Variants in SCEL observed in about 807,000 individuals in gnomAD.
The protein encoded by SCEL is sciellin.
SCEL carries 113 observed loss-of-function variants against 117.6 expected under a neutral mutation model. That is an observed-to-expected ratio of 0.96 (90% CI 0.83 to 1.12). The LOEUF (loss-of-function observed/expected upper bound fraction) is 1.12, where lower values mean the gene tolerates loss of function less well. Among genes scored for constraint, SCEL ranks in the 50% most tolerant of loss-of-function variants. The probability of loss-of-function intolerance (pLI) is 0.00; values close to 1 mark genes in which losing one functional copy is unlikely to be tolerated. For missense variants in SCEL, 785 were observed against 810.8 expected, an observed-to-expected ratio of 0.97 and a Z score of 0.39; for synonymous variants, 270 against 256.2, an observed-to-expected ratio of 1.05 and a Z score of -0.51.
At chr13:77,575,778 GTCTTCTT>G (rs1229411891) in intron 9 of SCEL, among the ~76,000 whole-genome samples, 11 of 152,258 alleles carry the variant, frequency 7.2e-5, no homozygotes, top group African/African-American at 2.2e-4. Context: ...GATGTTTTCT[GTCTTCTT>G]TCTTCTCTTG....
intron 27 of SCEL, among the ~76,000 whole-genome samples, chr13:77,623,908 C>T (rs1040601076): frequency 6.6e-6 from 1 of 152,070 alleles, no homozygotes; most frequent in African/African-American, 2.4e-5. Flanking sequence ...TTTGTTAGGG[C>T]TGCATAACAA....
chr13:77,577,627 A>G (rs1036816028), intron 9 of SCEL, among the ~76,000 whole-genome samples: 1 of 151,522 alleles, frequency 6.6e-6, no homozygotes, highest in African/African-American at 2.4e-5. Context: ...TTTCGCTTCT[A>G]TGTTACTTCT....
intron 24 of SCEL, among the ~76,000 whole-genome samples, chr13:77,616,622 A>G (rs936230155): frequency 3.9e-5 from 6 of 152,026 alleles, no homozygotes; most frequent in African/African-American, 1.4e-4. Flanking sequence ...AATCAAACTA[A>G]ATGAAGCCCT....
At chr13:77,595,505 G>T (rs1377984684) in intron 12 of SCEL, among the ~76,000 whole-genome samples, 1 of 152,142 alleles carries the variant, frequency 6.6e-6, no homozygotes, top group African/African-American at 2.4e-5. Context: ...GCCACAGAGT[G>T]TCTTCTCATG....
chr13:77,594,076 G>A (rs958558347), intron 12 of SCEL, among the ~76,000 whole-genome samples: 1 of 152,126 alleles, frequency 6.6e-6, no homozygotes, highest in African/African-American at 2.4e-5. Context: ...TGTCCCTCAT[G>A]TGTACACGGA....
At chr13:77,590,217 C>T (rs7996911) in intron 10 of SCEL, among the ~76,000 whole-genome samples, 141,605 of 152,148 alleles carry the variant, frequency 0.93, 65,947 homozygotes, top group South Asian at 0.96. Flanking sequence ...GCAGCAGGAC[C>T]ATGTAGCAAT....
chr13:77,551,992 A>G (rs958446233), intron 1 of SCEL, among the ~76,000 whole-genome samples: 5 of 150,746 alleles, frequency 3.3e-5, no homozygotes, highest in South Asian at 4.2e-4. Flanking sequence ...ATGATTTCCA[A>G]TTTCATCCAT....
In SCEL at chr13:77,644,789, C is replaced by T. The variant is rs2090715305; in HGVS notation, c.*515C>T. The T allele has an allele frequency of 6.5e-6, 1 of 152,688 alleles. No individual in the cohort carries two copies. Among genetic ancestry groups the T allele is most frequent in the Non-Finnish European group, 1.5e-5 (1 of 68,410 alleles). The allele number at this position is 152,688 out of a possible 1,614,324, so 9.5% of individuals were successfully genotyped here. A position where few individuals can be genotyped will look rare whatever the true frequency, so the allele number is the denominator to read the frequency against. ...TTTATATACCTCAAAAATCACTAAA[C>T]TTTCCAGATCTCTGTCCTATTATTT... On this transcript the variant is annotated 3_prime_UTR_variant, in exon 33 of 33. Transcript: ENST00000349847.
At position 77,627,902 on chromosome 13, in the gene SCEL, A is replaced by G. The variant is rs142014172; in HGVS notation, c.1629-45A>G. On this transcript the variant is annotated intron_variant, in intron 27 of 32. Coordinates refer to ENST00000349847, the MANE Select transcript of SCEL (RefSeq NM_144777.3). Reference sequence around the variant, plus strand: ...ATGTTTTAGCATTTTCTTATTTCCTATCATTATGTTGTAATTATTCATATA... The same window carrying G: ...ATGTTTTAGCATTTTCTTATTTCCTGTCATTATGTTGTAATTATTCATATA... The G allele has an allele frequency of 1.2e-3, 939 of 774,756 alleles. 11 individuals are homozygous for G. In the African/African-American group the frequency reaches 0.015, roughly 13 times the overall value. The allele number at this position is 774,756 out of a possible 1,614,324, so 48.0% of individuals were successfully genotyped here. A position where few individuals can be genotyped will look rare whatever the true frequency, so the allele number is the denominator to read the frequency against.
chr13:77,600,762 T>C (rs954699118), intron 15 of SCEL, among the ~76,000 whole-genome samples: 7 of 152,220 alleles, frequency 4.6e-5, no homozygotes, highest in African/African-American at 1.7e-4. Flanking sequence ...CAAGGATTTA[T>C]GAGATCTCTA....
At chr13:77,549,361 A>G (rs1021856760) in intron 1 of SCEL, among the ~76,000 whole-genome samples, 1 of 152,158 alleles carries the variant, frequency 6.6e-6, no homozygotes, top group Admixed American at 6.5e-5. Flanking sequence ...TATATATAAT[A>G]TATATTTTAA....
intron 10 of SCEL, among the ~76,000 whole-genome samples, chr13:77,590,846 T>C (rs1257171703): frequency 1.3e-5 from 2 of 152,074 alleles, no homozygotes; most frequent in Non-Finnish European, 2.9e-5. Flanking sequence ...GTCAACCAGA[T>C]ACTTTAAAAA....
rs1567388692 is a variant in SCEL, at chr13:77,591,416, A to G, written c.648A>G (p.Pro216=). The part of the protein sequence containing the change: ...QDNRQIHPPK[P]GVYTETNRSA... ...ATAGGCAGATACATCCACCTAAACC[A>G]GGTGTATATACAGAAACCAACAGAT... is the stretch of plus-strand genomic sequence containing the variant. Residue 216 remains proline (P), a synonymous_variant, in exon 11 of 33, where the codon CCA becomes CCG. Transcript: ENST00000349847. The G allele has an allele frequency of 2.5e-6, 4 of 1,588,534 alleles. No homozygotes were observed. Among genetic ancestry groups the G allele is most frequent in the Non-Finnish European group, 3.5e-6 (4 of 1,158,150 alleles).
intron 27 of SCEL, among the ~76,000 whole-genome samples, chr13:77,625,400 A>T (rs1310350875): frequency 6.6e-6 from 1 of 152,146 alleles, no homozygotes; most frequent in East Asian, 1.9e-4. Flanking sequence ...AATTTGCAGG[A>T]TTTATGCTGG....
intron 9 of SCEL, among the ~76,000 whole-genome samples, chr13:77,583,216 T>C (rs2086365485): frequency 6.6e-6 from 1 of 152,138 alleles, no homozygotes; most frequent in African/African-American, 2.4e-5. Context: ...TCTGAGCCAA[T>C]CTCCTCCTTT....
At chr13:77,609,214 A>T in intron 21 of SCEL, 97 bp downstream of exon 21, 1 of 1,025,122 alleles carries the variant, frequency 9.8e-7, no homozygotes, top group South Asian at 1.8e-5. Context: ...GAACCCAATG[A>T]TCCTTCAAGA....
At chr13:77,617,697 A>G (rs1359445943) in intron 25 of SCEL, 39 bp downstream of exon 25, 1 of 1,498,826 alleles carries the variant, frequency 6.7e-7, no homozygotes, top group East Asian at 2.3e-5. Flanking sequence ...TTGGGTCAGA[A>G]AGAATATTAA....
Position 77,633,442 on chromosome 13 carries a change from C to CAAAAAAAAAAAAAAAAAAAAAAAAA in SCEL, c.1692-913_1692-912insAAAAAAAAAAAAAAAAAAAAAAAAA, listed in dbSNP as rs59939208. On this transcript the variant is annotated intron_variant, in intron 28 of 32. Coordinates refer to ENST00000349847, the MANE Select transcript of SCEL (RefSeq NM_144777.3). ...TGGGCGACAGAGCGAGACTCCGCCTCAAAAAAAAAAAAAAAAAAAAAAAAG... is the reference window on the plus strand; with the variant it reads ...TGGGCGACAGAGCGAGACTCCGCCTCAAAAAAAAAAAAAAAAAAAAAAAAAAAAAAAAAAAAAAAAAAAAAAAAAG... Among the ~76,000 whole-genome samples, 8 of 30,010 alleles carry CAAAAAAAAAAAAAAAAAAAAAAAAA rather than the reference C, an allele frequency of 2.7e-4. 1 individual carries two copies. The highest frequency in any genetic ancestry group is 4.7e-3 in the East Asian group (2 of 424). 19.7% of individuals were successfully genotyped at this position (30,010 alleles called of 152,430 possible). A position where few individuals can be genotyped will look rare whatever the true frequency, so the allele number is the denominator to read the frequency against.
chr13:77,553,190 T>G (rs2084444550), intron 1 of SCEL, among the ~76,000 whole-genome samples: 1 of 152,168 alleles, frequency 6.6e-6, no homozygotes, highest in African/African-American at 2.4e-5. Context: ...GAGCACCTAC[T>G]CTCTCCCAGA....
Sources: gnomAD v4.1 joint callset for allele counts (sites outside exome capture counted in the v4.1 genomes callset) on GRCh38, gnomAD v4.1.1 for gene constraint, MANE v1.5 for transcripts, NCBI Gene and HGNC (gene_info 2026-07-23, HGNC 2026-07-21) for gene names.